PLCH1: variants seen among roughly 807,000 people sequenced by gnomAD.
The protein encoded by PLCH1 is 1-phosphatidylinositol 4,5-bisphosphate phosphodiesterase eta-1.
Under a neutral mutation model 126.7 loss-of-function variants are expected in PLCH1, and 60 were observed. The ratio of observed to expected loss-of-function variants is 0.47; its 90% CI spans 0.38 to 0.59. The LOEUF (loss-of-function observed/expected upper bound fraction) is 0.59. Ranked by LOEUF, PLCH1 falls within the 20% of genes least tolerant of loss-of-function variation. The pLI, the probability that PLCH1 is intolerant of heterozygous loss-of-function variation, is 0.00. For missense variants in PLCH1, 1,723 were observed against 2,040.0 expected (o/e 0.84, Z 2.99); for synonymous variants, 719 against 734.9 (o/e 0.98, Z 0.35).
At chr3:155,531,347 G>A (rs1381690158) in intron 10 of PLCH1, among the ~76,000 whole-genome samples, 1 of 152,214 alleles carries the variant, frequency 6.6e-6, no homozygotes, top group South Asian at 2.1e-4. Flanking sequence ...TGTTTAGGCT[G>A]GGCACAGTGG....
At chr3:155,534,755 C>T (rs747258812) in intron 10 of PLCH1, among the ~76,000 whole-genome samples, 22 of 152,056 alleles carry the variant, frequency 1.4e-4, no homozygotes, top group Non-Finnish European at 2.9e-4. Context: ...GGGCAGTTTC[C>T]CCATGCTGTT....
intron 2 of PLCH1, among the ~76,000 whole-genome samples, chr3:155,674,484 C>A (rs2108995718): frequency 6.6e-6 from 1 of 152,124 alleles, no homozygotes; most frequent in Non-Finnish European, 1.5e-5. Flanking sequence ...TCAAGATGTT[C>A]CTTTTAAAAT....
chr3:155,585,557 G>A (rs1012387265), intron 5 of PLCH1, among the ~76,000 whole-genome samples: 2 of 152,092 alleles, frequency 1.3e-5, no homozygotes, highest in Non-Finnish European at 2.9e-5. Context: ...TCATCAACAG[G>A]GAAAGAGCCT....
At chr3:155,454,974 G>A (rs1712405088) in intron 21 of PLCH1, among the ~76,000 whole-genome samples, 1 of 152,154 alleles carries the variant, frequency 6.6e-6, no homozygotes, top group African/African-American at 2.4e-5. Context: ...AAGCACTTTG[G>A]CAAAGAGGTG....
At chr3:155,711,527 A>C (rs1747123531) in intron 1 of PLCH1, among the ~76,000 whole-genome samples, 1 of 152,148 alleles carries the variant, frequency 6.6e-6, no homozygotes, top group Admixed American at 6.5e-5. Context: ...CTTCACACCC[A>C]CACCCACTTA....
intron 21 of PLCH1, among the ~76,000 whole-genome samples, chr3:155,469,592 C>A (rs1174485880): frequency 6.6e-6 from 1 of 152,242 alleles, no homozygotes; most frequent in Non-Finnish European, 1.5e-5. Context: ...AGGAGGCCTG[C>A]CTGCATCTGT....
intron 21 of PLCH1, among the ~76,000 whole-genome samples, chr3:155,456,057 A>C (rs1039793434): frequency 5.9e-5 from 9 of 152,208 alleles, no homozygotes; most frequent in African/African-American, 1.9e-4. Flanking sequence ...CGATTGTTCA[A>C]GACAGGCTAA....
intron 2 of PLCH1, among the ~76,000 whole-genome samples, chr3:155,622,743 G>A (rs1356468151): frequency 6.6e-6 from 1 of 152,054 alleles, no homozygotes; most frequent in African/African-American, 2.4e-5. Context: ...CTCAACACAG[G>A]AGCACTCAGA....
At chr3:155,469,339 C>T (rs1457899286) in intron 21 of PLCH1, among the ~76,000 whole-genome samples, 1 of 152,214 alleles carries the variant, frequency 6.6e-6, no homozygotes, top group Non-Finnish European at 1.5e-5. Flanking sequence ...AATCAGGTCA[C>T]TCCCACCCGA....
intron 6 of PLCH1, among the ~76,000 whole-genome samples, chr3:155,570,686 T>C (rs1729083669): frequency 6.6e-6 from 1 of 152,190 alleles, no homozygotes; most frequent in South Asian, 2.1e-4. Context: ...AACATCACCA[T>C]CAAAGTCACA....
intron 7 of PLCH1, among the ~76,000 whole-genome samples, chr3:155,566,599 A>G (rs1728573170): frequency 6.6e-6 from 1 of 151,788 alleles, no homozygotes. Context: ...AGTAAGCCAA[A>G]AGTTAAACAC....
intron 2 of PLCH1, among the ~76,000 whole-genome samples, chr3:155,696,687 A>C (rs994488054): frequency 6.6e-6 from 1 of 152,250 alleles, no homozygotes; most frequent in Non-Finnish European, 1.5e-5. Context: ...TGAAGGAAAA[A>C]ATGACGGTTT....
intron 21 of PLCH1, among the ~76,000 whole-genome samples, chr3:155,468,697 A>C (rs1251871633): frequency 6.6e-6 from 1 of 152,196 alleles, no homozygotes; most frequent in East Asian, 1.9e-4. Flanking sequence ...AGATATAACA[A>C]TTTTAAACAT....
chr3:155,458,626 A>G (rs1402715922), intron 21 of PLCH1, among the ~76,000 whole-genome samples: 1 of 152,104 alleles, frequency 6.6e-6, no homozygotes, highest in Non-Finnish European at 1.5e-5. Context: ...AGAAAGAAAA[A>G]AAGTGTGGGT....
At chr3:155,496,394 T>G (rs1456902065) in intron 15 of PLCH1, among the ~76,000 whole-genome samples, 3 of 152,196 alleles carry the variant, frequency 2.0e-5, no homozygotes, top group Non-Finnish European at 2.9e-5. Context: ...CTACAGGTTC[T>G]CATGCTCTCA....
intron 2 of PLCH1, among the ~76,000 whole-genome samples, chr3:155,655,381 A>G (rs1242332227): frequency 1.3e-5 from 2 of 151,940 alleles, no homozygotes; most frequent in Non-Finnish European, 2.9e-5. Flanking sequence ...CATGATTGCC[A>G]TGATTGCCCA....
chr3:155,726,876 T>TTC (rs1015923889), intron 1 of PLCH1, among the ~76,000 whole-genome samples: 4 of 146,736 alleles, frequency 2.7e-5, no homozygotes, highest in African/African-American at 1.0e-4. Flanking sequence ...TTTTTCTTTT[T>TTC]TCTTTTTTTT....
intron 2 of PLCH1, among the ~76,000 whole-genome samples, chr3:155,696,518 C>T (rs1290336774): frequency 6.6e-6 from 1 of 152,090 alleles, no homozygotes; most frequent in African/African-American, 2.4e-5. Context: ...ACATTAGAAA[C>T]AGAGTGGGAA....
chr3:155,627,794 A>T (rs555425833), intron 2 of PLCH1, among the ~76,000 whole-genome samples: 3 of 149,816 alleles, frequency 2.0e-5, no homozygotes, highest in Admixed American at 6.6e-5. Flanking sequence ...TTGAGACAGA[A>T]TCTCACTCCA....
Sources: gnomAD v4.1 joint callset for allele counts (sites outside exome capture counted in the v4.1 genomes callset) on GRCh38, gnomAD v4.1.1 for gene constraint, MANE v1.5 for transcripts, NCBI Gene and HGNC (gene_info 2026-07-23, HGNC 2026-07-21) for gene names.